The following FRMD4B variants were observed in gnomAD, a reference collection of about 807,000 sequenced individuals.
FRMD4B encodes FERM domain-containing protein 4B.
A neutral mutation model predicts 141.5 loss-of-function variants in FRMD4B; 74 were observed. That is an observed-to-expected ratio of 0.52 (90% CI 0.43 to 0.63). The LOEUF (loss-of-function observed/expected upper bound fraction) is 0.63. Among genes scored for constraint, FRMD4B ranks in the 30% least tolerant of loss-of-function variants. FRMD4B has a pLI of 0.00. For missense variants in FRMD4B, 1,366 were observed against 1,253.4 expected, an observed-to-expected ratio of 1.09 and a Z score of -1.36; for synonymous variants, 506 against 467.9, an observed-to-expected ratio of 1.08 and a Z score of -1.05.
At chr3:69,298,932 C>T (rs1478694219) in intron 4 of FRMD4B, among the ~76,000 whole-genome samples, 1 of 151,792 alleles carries the variant, frequency 6.6e-6, no homozygotes, top group Non-Finnish European at 1.5e-5. Context: ...AGGATTTTGT[C>T]ATTTTCTTCT....
At chr3:69,212,529 CT>C in intron 11 of FRMD4B, among the ~76,000 whole-genome samples, 1 of 152,092 alleles carries the variant, frequency 6.6e-6, no homozygotes, top group African/African-American at 2.4e-5. Context: ...CTTTTCTAGA[CT>C]CTGGAATGAA....
At chr3:69,369,703 T>C (rs1462338151) in intron 1 of FRMD4B, among the ~76,000 whole-genome samples, 1 of 146,952 alleles carries the variant, frequency 6.8e-6, no homozygotes, top group Non-Finnish European at 1.5e-5. Context: ...AAGTTCAAAA[T>C]ATAAAAATCC....
intron 5 of FRMD4B, among the ~76,000 whole-genome samples, chr3:69,274,726 C>T (rs2093610321): frequency 6.6e-6 from 1 of 152,214 alleles, no homozygotes; most frequent in East Asian, 1.9e-4. Flanking sequence ...ACCATGTTGG[C>T]CAGGCTGGTC....
intron 1 of FRMD4B, among the ~76,000 whole-genome samples, chr3:69,335,669 C>A (rs1002933915): frequency 1.3e-5 from 2 of 151,860 alleles, no homozygotes. Flanking sequence ...CCAATACCCT[C>A]CTCCCCCATG....
intron 7 of FRMD4B, among the ~76,000 whole-genome samples, chr3:69,234,701 C>T (rs1019722965): frequency 6.6e-6 from 1 of 152,124 alleles, no homozygotes; most frequent in African/African-American, 2.4e-5. Flanking sequence ...CGTACCCTGG[C>T]CAGCAGCATC....
chr3:69,176,071 T>C (rs1272929285), intron 22 of FRMD4B, among the ~76,000 whole-genome samples: 2 of 152,084 alleles, frequency 1.3e-5, no homozygotes, highest in Non-Finnish European at 2.9e-5. Context: ...TGAGCCACCG[T>C]GCCCGGCAGC....
chr3:69,382,727 C>CT (rs5849898), intron 1 of FRMD4B, among the ~76,000 whole-genome samples: 113 of 133,106 alleles, frequency 8.5e-4, no homozygotes, highest in Middle Eastern at 7.7e-3. Context: ...TAAACTGGGA[C>CT]TTTTTTTTTT....
At chr3:69,371,627 G>A (rs1385027982) in intron 1 of FRMD4B, among the ~76,000 whole-genome samples, 1 of 152,176 alleles carries the variant, frequency 6.6e-6, no homozygotes, top group Non-Finnish European at 1.5e-5. Context: ...TTGGCCCCAG[G>A]ATCATGGTGA....
At chr3:69,540,660 T>TATAC (rs1241897477) in intron 1 of FRMD4B, among the ~76,000 whole-genome samples, 11 of 56,874 alleles carry the variant, frequency 1.9e-4, no homozygotes, top group African/African-American at 3.1e-4. Flanking sequence ...TATATATATA[T>TATAC]ACACACACAC....
At chr3:69,341,008 A>G (rs1264172737) in intron 1 of FRMD4B, among the ~76,000 whole-genome samples, 1 of 152,260 alleles carries the variant, frequency 6.6e-6, no homozygotes, top group Non-Finnish European at 1.5e-5. Context: ...TAAAAATACA[A>G]AAAAGGAGTT....
intron 11 of FRMD4B, among the ~76,000 whole-genome samples, chr3:69,208,853 A>G (rs2093049316): frequency 6.6e-6 from 1 of 152,164 alleles, no homozygotes; most frequent in South Asian, 2.1e-4. Context: ...GTAATAGAAC[A>G]TCTTGAGTTA....
intron 1 of FRMD4B, among the ~76,000 whole-genome samples, chr3:69,350,122 T>G (rs548771677): frequency 4.6e-5 from 7 of 151,798 alleles, no homozygotes; most frequent in Non-Finnish European, 1.0e-4. Flanking sequence ...CCAACAAATT[T>G]ACAAGAAAAA....
intron 1 of FRMD4B, among the ~76,000 whole-genome samples, chr3:69,337,927 T>C (rs1702609477): frequency 6.6e-6 from 1 of 152,198 alleles, no homozygotes; most frequent in Non-Finnish European, 1.5e-5. Flanking sequence ...GCAGTAGAAA[T>C]ACCATTTGAC....
chr3:69,334,658 C>A (rs1049129903), intron 1 of FRMD4B, among the ~76,000 whole-genome samples: 2 of 152,002 alleles, frequency 1.3e-5, no homozygotes, highest in Non-Finnish European at 2.9e-5. Flanking sequence ...CTCAATGACC[C>A]CTGGGTTTCA....
At chr3:69,536,878 C>T (rs927087222) in intron 1 of FRMD4B, among the ~76,000 whole-genome samples, 9 of 152,052 alleles carry the variant, frequency 5.9e-5, no homozygotes, top group African/African-American at 2.2e-4. Flanking sequence ...TTCTGAGTAC[C>T]TGGGATTACA....
At chr3:69,275,689 C>T (rs1010664507) in intron 5 of FRMD4B, among the ~76,000 whole-genome samples, 5 of 151,966 alleles carry the variant, frequency 3.3e-5, no homozygotes, top group Non-Finnish European at 7.4e-5. Context: ...TCTCAGCCTC[C>T]CCAAATGCCA....
At chr3:69,232,549 C>A (rs773718353) in intron 7 of FRMD4B, among the ~76,000 whole-genome samples, 15 of 152,184 alleles carry the variant, frequency 9.9e-5, no homozygotes, top group Non-Finnish European at 1.9e-4. Flanking sequence ...TCTTTACTGA[C>A]CCCAAGTACC....
intron 1 of FRMD4B, among the ~76,000 whole-genome samples, chr3:69,441,066 T>C (rs1157910224): frequency 6.6e-6 from 1 of 152,196 alleles, no homozygotes; most frequent in African/African-American, 2.4e-5. Flanking sequence ...AGTGATTTTT[T>C]TGAAACCCAA....
At chr3:69,362,197 A>G (rs969493464) in intron 1 of FRMD4B, among the ~76,000 whole-genome samples, 2 of 152,212 alleles carry the variant, frequency 1.3e-5, no homozygotes, top group Non-Finnish European at 2.9e-5. Context: ...TATAAACTCC[A>G]CAATAACTTT....
Sources: allele counts gnomAD v4.1 joint callset (sites outside exome capture counted in the v4.1 genomes callset), GRCh38; gene constraint gnomAD v4.1.1; transcripts MANE v1.5; gene names NCBI Gene and HGNC (gene_info 2026-07-23, HGNC 2026-07-21).